The following RSRC2 variants were observed in gnomAD, a reference collection of about 807,000 sequenced individuals.
RSRC2 encodes arginine/serine-rich coiled-coil protein 2.
A neutral mutation model predicts 61.3 loss-of-function variants in RSRC2; 5 were observed. The observed-to-expected ratio is 0.08, with a 90% CI of 0.04 to 0.17. RSRC2 has a LOEUF of 0.17. Ranked by LOEUF, RSRC2 falls within the 10% of genes least tolerant of loss-of-function variation. The pLI is 1.00. For missense variants in RSRC2, 381 were observed against 518.8 expected (o/e 0.73, Z 2.58); for synonymous variants, 202 against 166.5 (o/e 1.21, Z -1.64).
At chr12:122,521,968 G>GT (rs770424611) in intron 2 of RSRC2, among the ~76,000 whole-genome samples, 175 bp downstream of exon 2, 5 of 152,298 alleles carry the variant, frequency 3.3e-5, no homozygotes, top group Admixed American at 6.5e-5. Context: ...GTCAATTTTT[G>GT]TATTTTTGGT....
chr12:122,506,715 G>A, intron 9 of RSRC2, 119 bp downstream of exon 9: 1 of 676,380 alleles, frequency 1.5e-6, no homozygotes, highest in South Asian at 1.9e-5. Context: ...AAAAGGTGGT[G>A]GGAAAGAACT....
At chr12:122,515,026 G>GA in intron 6 of RSRC2, 79 bp downstream of exon 6, 1 of 1,456,022 alleles carries the variant, frequency 6.9e-7, no homozygotes, top group Non-Finnish European at 9.5e-7. Flanking sequence ...TTCTCTTACT[G>GA]AAAGAATTCA....
At chr12:122,517,158 C>T in intron 5 of RSRC2, 69 bp downstream of exon 5, 2 of 1,603,556 alleles carry the variant, frequency 1.2e-6, no homozygotes, top group Non-Finnish European at 1.7e-6. Context: ...TTAATACTCT[C>T]TTACTGAGGA....
chr12:122,512,558 C>A (rs144171268), intron 6 of RSRC2, among the ~76,000 whole-genome samples: 427 of 152,008 alleles, frequency 2.8e-3, no homozygotes, highest in African/African-American at 9.0e-3. Flanking sequence ...TGGTGAAATC[C>A]CGCATCTACT....
chr12:122,526,789 C>A (rs1960594443), intron 1 of RSRC2, 59 bp downstream of exon 1: 5 of 1,595,246 alleles, frequency 3.1e-6, no homozygotes. Flanking sequence ...AGCCGTTCAC[C>A]CACTGTTGGA....
intron 6 of RSRC2, among the ~76,000 whole-genome samples, chr12:122,514,208 G>C (rs1034000407): frequency 6.6e-6 from 1 of 150,604 alleles, no homozygotes; most frequent in Non-Finnish European, 1.5e-5. Context: ...GCTGTGTGTG[G>C]TTTCACCATT....
At chr12:122,513,204 T>C (rs1401585707) in intron 6 of RSRC2, among the ~76,000 whole-genome samples, 1 of 47,772 alleles carries the variant, frequency 2.1e-5, no homozygotes, top group East Asian at 3.2e-4. Context: ...CAAAAATAAA[T>C]AAATAAATAA....
rs200118422 is a variant in RSRC2, at chr12:122,517,791, CA to C, written c.399-362del. Among the ~76,000 whole-genome samples, 1,439 of 151,592 alleles carry C rather than the reference CA, an allele frequency of 9.5e-3. 24 individuals are homozygous for C. Among genetic ancestry groups the C allele is most frequent in the African/African-American group, 0.033 (1,375 of 41,298 alleles). On this transcript the variant is annotated intron_variant, in intron 4 of 9. Transcript: ENST00000331738. ...ACCACACACAACCCACAGAATTCTC[CA>C]AAAAAAACCCCACCAAAAACCATTC...
At chr12:122,512,107 AAAAATGAATGCTTGTTCTCTC>A (rs1958565842) in intron 6 of RSRC2, among the ~76,000 whole-genome samples, 1 of 152,198 alleles carries the variant, frequency 6.6e-6, no homozygotes, top group Non-Finnish European at 1.5e-5. Flanking sequence ...TGCCCAGCCC[AAAAATGAATGCTTGTTCTCTC>A]TACTCACTCT....
chr12:122,512,442 A>G (rs1319298747), intron 6 of RSRC2, among the ~76,000 whole-genome samples: 1 of 152,174 alleles, frequency 6.6e-6, no homozygotes. Context: ...AGAATTGTTA[A>G]GTCGGCCCGG....
intron 3 of RSRC2, chr12:122,520,818 C>G (rs922034296): frequency 3.0e-5 from 9 of 302,534 alleles, no homozygotes; most frequent in Non-Finnish European, 6.5e-6. Context: ...GGTGGGTGAA[C>G]AAGTAACTCC....
intron 2 of RSRC2, 102 bp from the exon 3 acceptor site, chr12:122,521,530 C>T (rs1959211654): frequency 1.1e-6 from 1 of 905,534 alleles, no homozygotes; most frequent in African/African-American, 1.7e-5. Flanking sequence ...CATTAGTCTT[C>T]TTCCAATGAC....
intron 9 of RSRC2, 82 bp downstream of exon 9, chr12:122,506,752 C>T: frequency 1.2e-6 from 1 of 844,972 alleles, no homozygotes; most frequent in Non-Finnish European, 2.0e-6. Flanking sequence ...TGAGTAAAGA[C>T]CAGAACTAAG....
In RSRC2 at chr12:122,517,216, TG is replaced by T; in HGVS notation, c.602+10del. The T allele has an allele frequency of 6.2e-7, 1 of 1,614,102 alleles. No homozygotes were observed. Among genetic ancestry groups the T allele is most frequent in the South Asian group, 1.1e-5 (1 of 91,080 alleles). Reference sequence around the variant, plus strand: ...TCCTATTAAATTTTATTCAGGATGATGGTCACCTACCGACTCCTACTCCTTG... The same window carrying T: ...TCCTATTAAATTTTATTCAGGATGATGTCACCTACCGACTCCTACTCCTTG... On this transcript the variant is annotated intron_variant, in intron 5 of 9. Transcript: ENST00000331738.
chr12:122,513,827 G>C (rs565853048), intron 6 of RSRC2: 1 of 985,160 alleles, frequency 1.0e-6, no homozygotes, highest in African/African-American at 1.7e-5. Context: ...AGCACATCAG[G>C]TTACACTGTG....
At chr12:122,515,270 A>C (rs368922257) in intron 5 of RSRC2, 43 bp from the exon 6 acceptor site, 15 of 1,583,958 alleles carry the variant, frequency 9.5e-6, no homozygotes, top group Non-Finnish European at 1.3e-5. Context: ...TGGCCAAGTC[A>C]TAACTATTTT....
intron 8 of RSRC2, among the ~76,000 whole-genome samples, chr12:122,507,535 A>G (rs1958191544): frequency 2.0e-5 from 3 of 152,086 alleles, no homozygotes; most frequent in African/African-American, 7.2e-5. Flanking sequence ...TAATCTATGA[A>G]AAATTCTAAA....
chr12:122,516,634 A>G (rs1958950088), intron 5 of RSRC2, among the ~76,000 whole-genome samples: 2 of 152,204 alleles, frequency 1.3e-5, no homozygotes, highest in African/African-American at 4.8e-5. Flanking sequence ...TAAGTATGCA[A>G]AAGGAGATTT....
At chr12:122,517,170 G>A (rs559914289) in intron 5 of RSRC2, 57 bp downstream of exon 5, 22 of 1,607,962 alleles carry the variant, frequency 1.4e-5, no homozygotes, top group Non-Finnish European at 1.7e-5. Flanking sequence ...TACTGAGGAA[G>A]ATAAACAGAC....
Sources: allele counts gnomAD v4.1 joint callset (sites outside exome capture counted in the v4.1 genomes callset), GRCh38; gene constraint gnomAD v4.1.1; transcripts MANE v1.5; gene names NCBI Gene and HGNC (gene_info 2026-07-23, HGNC 2026-07-21).